RAB11FIP2: variants seen among roughly 807,000 people sequenced by gnomAD.
RAB11FIP2 encodes rab11 family-interacting protein 2.
RAB11FIP2 carries 16 observed loss-of-function variants against 40.9 expected under a neutral mutation model. The ratio of observed to expected loss-of-function variants is 0.39; its 90% CI spans 0.26 to 0.59. RAB11FIP2 has a LOEUF of 0.59. Among genes scored for constraint, RAB11FIP2 ranks in the 20% least tolerant of loss-of-function variants. The pLI, the probability that RAB11FIP2 is intolerant of heterozygous loss-of-function variation, is 0.53. For missense variants in RAB11FIP2, 532 were observed against 606.2 expected, an observed-to-expected ratio of 0.88 and a Z score of 1.28; for synonymous variants, 228 against 213.7, an observed-to-expected ratio of 1.07 and a Z score of -0.58.
intron 3 of RAB11FIP2, among the ~76,000 whole-genome samples, chr10:118,027,309 A>G (rs1024800636): frequency 6.6e-6 from 1 of 152,198 alleles, no homozygotes; most frequent in Admixed American, 6.5e-5. Context: ...TACTTATCCT[A>G]TACTCCCTTC....
chr10:118,026,691 A>G (rs950454681), intron 3 of RAB11FIP2, among the ~76,000 whole-genome samples: 1 of 152,232 alleles, frequency 6.6e-6, no homozygotes, highest in Non-Finnish European at 1.5e-5. Context: ...GCCTTAATGG[A>G]AAGCCACAGC....
chr10:118,029,736 C>T (rs1185283660), intron 3 of RAB11FIP2, among the ~76,000 whole-genome samples: 1 of 151,958 alleles, frequency 6.6e-6, no homozygotes, highest in East Asian at 1.9e-4. Context: ...TCGCAAGGGC[C>T]TTCTTTATAT....
At position 118,040,455 on chromosome 10, in the gene RAB11FIP2, G is replaced by A; in HGVS notation, c.464C>T (p.Ser155Leu). The A allele has an allele frequency of 6.2e-7, 1 of 1,613,084 alleles. No homozygotes were observed. The highest frequency in any genetic ancestry group is 1.3e-5 in the African/African-American group (1 of 74,950). ...AGGAGATCTGGTTTTGTCCTTCATT[G>A]ATAAGTCAAACATACTTGCGGTCAT... The part of the protein sequence containing the change: ...NNMTASMFDL[S>L]MKDKTRSPFA... Residue 155 changes from serine (S) to leucine (L), a missense_variant, in exon 2 of 5, where the codon TCA (serine) becomes TTA (leucine). By Grantham distance (145) the Ser-to-Leu change is moderately radical. Transcript: ENST00000355624.
intron 3 of RAB11FIP2, among the ~76,000 whole-genome samples, chr10:118,022,987 T>C (rs960377944): frequency 6.6e-6 from 1 of 152,174 alleles, no homozygotes; most frequent in Non-Finnish European, 1.5e-5. Flanking sequence ...TGATGATACA[T>C]TAGTGGAGTG....
chr10:118,038,701 T>C (rs1383025525), intron 3 of RAB11FIP2, among the ~76,000 whole-genome samples: 4 of 152,192 alleles, frequency 2.6e-5, no homozygotes, highest in African/African-American at 7.2e-5. Flanking sequence ...ACAAGCCATG[T>C]TGTTTTCTAA....
intron 3 of RAB11FIP2, among the ~76,000 whole-genome samples, chr10:118,016,108 C>T (rs1056492420): frequency 3.3e-5 from 5 of 152,292 alleles, no homozygotes; most frequent in South Asian, 4.1e-4. Context: ...ACAAATCCTA[C>T]GCTCTAAGAT....
intron 3 of RAB11FIP2, among the ~76,000 whole-genome samples, chr10:118,026,216 G>A (rs1846340732): frequency 6.6e-6 from 1 of 152,146 alleles, no homozygotes; most frequent in African/African-American, 2.4e-5. Flanking sequence ...ATCCATCTCT[G>A]TAAGTACAAG....
In RAB11FIP2 at chr10:118,005,450, C is replaced by T. The variant is rs1846081362; in HGVS notation, c.*3548G>A. On this transcript the variant is annotated 3_prime_UTR_variant, in exon 5 of 5. Transcript: ENST00000355624. ...TTGCATCTGGATTATTAAAGTTCTACATCTGTGCAAATGGGGGCTTTCCAT... is the reference window on the plus strand; with the variant it reads ...TTGCATCTGGATTATTAAAGTTCTATATCTGTGCAAATGGGGGCTTTCCAT... The T allele has an allele frequency of 6.6e-6, 1 of 152,622 alleles. No individual in the cohort carries two copies. Among genetic ancestry groups the T allele is most frequent in the Non-Finnish European group, 1.5e-5 (1 of 68,040 alleles). 9.5% of individuals were successfully genotyped at this position (152,622 alleles called of 1,614,324 possible).
chr10:118,013,203 G>C (rs185232803), intron 4 of RAB11FIP2, among the ~76,000 whole-genome samples: 8 of 152,054 alleles, frequency 5.3e-5, no homozygotes, highest in African/African-American at 1.9e-4. Context: ...TGACATCCAA[G>C]GCAACTAGAG....
chr10:118,042,835 C>A lies in RAB11FIP2; in HGVS notation c.354-2270G>T, dbSNP rs201903608. 5.9e-5 allele frequency among the ~76,000 whole-genome samples: 9 copies of A among 151,840 alleles called. No individual in the cohort carries two copies. In the East Asian group the frequency reaches 1.2e-3, roughly 20 times the overall value. ...CACTATAATGTCCATTCCCCACCCC[C>A]CAAAAAAAACTGCAAAGAACTTTTA... is the stretch of plus-strand genomic sequence containing the variant. On this transcript the variant is annotated intron_variant, in intron 1 of 4. Coordinates refer to ENST00000355624, the MANE Select transcript of RAB11FIP2 (RefSeq NM_014904.3).
chr10:118,030,840 A>T (rs905620803), intron 3 of RAB11FIP2, among the ~76,000 whole-genome samples: 7 of 152,146 alleles, frequency 4.6e-5, no homozygotes, highest in Non-Finnish European at 1.0e-4. Context: ...ACTGGGAGAT[A>T]CACCAATTAA....
chr10:118,019,153 G>C (rs1382716135), intron 3 of RAB11FIP2, among the ~76,000 whole-genome samples: 1 of 152,054 alleles, frequency 6.6e-6, no homozygotes, highest in African/African-American at 2.4e-5. Flanking sequence ...ATAACAACAA[G>C]CTCTTTGGAG....
In RAB11FIP2 at chr10:118,006,280, G is replaced by A. The variant is rs964917576; in HGVS notation, c.*2718C>T. 6.6e-6 allele frequency: 1 copy of A among 152,512 alleles called. No individual in the cohort carries two copies. Among genetic ancestry groups the A allele is most frequent in the Admixed American group, 6.6e-5 (1 of 15,256 alleles). The allele number at this position is 152,512 out of a possible 1,614,324, so 9.4% of individuals were successfully genotyped here. ...GAAATAGTTTAATTATGTAACAGAA[G>A]TACATTAGCTTAAGATAGTCTTGAG... On this transcript the variant is annotated 3_prime_UTR_variant, in exon 5 of 5. Coordinates refer to ENST00000355624, the MANE Select transcript of RAB11FIP2 (RefSeq NM_014904.3).
chr10:118,009,041 G>A lies in RAB11FIP2; in HGVS notation c.1496C>T (p.Pro499Leu). Residue 499 changes from proline (P) to leucine (L), a missense_variant, in exon 5 of 5, where the codon CCG becomes CTG. Pro to Leu is a moderately conservative substitution (Grantham distance 98). Transcript: ENST00000355624. ...GCCAGCTTTCCTGGATGGTTCATAC[G>A]GCACTCTGAGAATACTGGGCGTTTC... ...MEETPSILRVPYEPSRKAGKF... is the reference protein window; with the variant it reads ...MEETPSILRVLYEPSRKAGKF... 1 of 1,613,388 alleles carries A rather than the reference G, an allele frequency of 6.2e-7. No individual in the cohort carries two copies. The highest frequency in any genetic ancestry group is 2.2e-5 in the East Asian group (1 of 44,866).
chr10:118,029,123 T>C (rs549069671), intron 3 of RAB11FIP2, among the ~76,000 whole-genome samples: 1 of 152,096 alleles, frequency 6.6e-6, no homozygotes, highest in East Asian at 1.9e-4. Context: ...CTAAATTAAA[T>C]GGGTTTTAAA....
Position 118,008,915 on chromosome 10 carries a change from C to G in RAB11FIP2, c.*83G>C, listed in dbSNP as rs1846125038. On this transcript the variant is annotated 3_prime_UTR_variant, in exon 5 of 5. Coordinates refer to ENST00000355624, the MANE Select transcript of RAB11FIP2 (RefSeq NM_014904.3). ...ATGTAATGAAACCTGATAGTGTAGT[C>G]TCTTTCAGTAACAAGTTTTTCCTTC... is the stretch of plus-strand genomic sequence containing the variant. 2.7e-6 allele frequency: 3 copies of G among 1,118,940 alleles called. No homozygotes were observed. The highest frequency in any genetic ancestry group is 4.0e-6 in the Non-Finnish European group (3 of 756,234). The allele number at this position is 1,118,940 out of a possible 1,614,324, so 69.3% of individuals were successfully genotyped here. A position where few individuals can be genotyped will look rare whatever the true frequency, so the allele number is the denominator to read the frequency against.
rs1188372363 is a variant in RAB11FIP2, at chr10:118,006,241, T to C, written c.*2757A>G. On this transcript the variant is annotated 3_prime_UTR_variant, in exon 5 of 5. Transcript: ENST00000355624. ...AATTGGTTATAAAATAATACTGCTT[T>C]AAAAATAATAGCAGAAATAGTTTAA... 2 of 152,590 alleles carry C rather than the reference T, an allele frequency of 1.3e-5. No individual in the cohort carries two copies. Among genetic ancestry groups the C allele is most frequent in the African/African-American group, 4.8e-5 (2 of 41,442 alleles). The allele number at this position is 152,590 out of a possible 1,614,324, so 9.5% of individuals were successfully genotyped here. A position where few individuals can be genotyped will look rare whatever the true frequency, so the allele number is the denominator to read the frequency against.
Position 118,045,854 on chromosome 10 carries a change from T to G in RAB11FIP2, c.310A>C (p.Asn104His), listed in dbSNP as rs1200276410. ...LDKFLGQVAI[N>H]LNDIFEDKQR... ...TTGTCCTCAAAGATGTCATTGAGAT[T>G]GATTGCCACCTGCCCTAAAAATTTA... is the stretch of plus-strand genomic sequence containing the variant. The change falls in exon 1 of 5, where the codon AAT becomes CAT. Residue 104 changes from asparagine (N) to histidine (H), a missense_variant. By Grantham distance (68) the Asn-to-His change is moderately conservative. Coordinates refer to ENST00000355624, the MANE Select transcript of RAB11FIP2 (RefSeq NM_014904.3). The G allele has an allele frequency of 6.2e-7, 1 of 1,613,590 alleles. No homozygotes were observed. The highest frequency in any genetic ancestry group is 1.1e-5 in the South Asian group (1 of 90,994).
intron 3 of RAB11FIP2, chr10:118,033,888 C>G (rs1179085851): frequency 1.4e-6 from 1 of 693,096 alleles, no homozygotes; most frequent in South Asian, 1.5e-5. Flanking sequence ...AACTTATATC[C>G]TGTGAATTTA....
Sources: allele counts gnomAD v4.1 joint callset (sites outside exome capture counted in the v4.1 genomes callset), GRCh38; gene constraint gnomAD v4.1.1; transcripts MANE v1.5; gene names NCBI Gene and HGNC (gene_info 2026-07-23, HGNC 2026-07-21).